VWA8: variants seen among roughly 807,000 people sequenced by gnomAD.
VWA8 encodes the protein von Willebrand factor A domain-containing protein 8.
In VWA8, 221 loss-of-function variants were observed where a neutral mutation model predicts 241.5. The observed-to-expected ratio is 0.91, with a 90% CI of 0.82 to 1.02. The LOEUF (loss-of-function observed/expected upper bound fraction) is 1.02, where lower values mean the gene tolerates loss of function less well. VWA8 is among the 50% of genes least tolerant of loss of function. The pLI is 0.00. For synonymous variants in VWA8, 852 were observed against 827.1 expected, an observed-to-expected ratio of 1.03 and a Z score of -0.52; for missense variants, 2,322 against 2,328.7, an observed-to-expected ratio of 1.00 and a Z score of 0.06.
chr13:41,772,263 T>C (rs890578887), intron 20 of VWA8, among the ~76,000 whole-genome samples: 2 of 152,078 alleles, frequency 1.3e-5, no homozygotes, highest in Non-Finnish European at 2.9e-5. Context: ...ATTTTCACAA[T>C]AAATATTTTG....
intron 37 of VWA8, among the ~76,000 whole-genome samples, chr13:41,668,029 A>T (rs959049038): frequency 1.3e-5 from 2 of 152,244 alleles, no homozygotes; most frequent in African/African-American, 4.8e-5. Flanking sequence ...CAAAAACTCA[A>T]ATCAACAATG....
chr13:41,607,328 G>C (rs1358028560), intron 39 of VWA8, among the ~76,000 whole-genome samples: 1 of 152,172 alleles, frequency 6.6e-6, no homozygotes, highest in African/African-American at 2.4e-5. Context: ...GACATGCCAA[G>C]GTGCCTTTCT....
At chr13:41,721,640 T>A (rs567502746) in intron 24 of VWA8, 65 bp from the exon 25 acceptor site, 1 of 1,507,134 alleles carries the variant, frequency 6.6e-7, no homozygotes, top group South Asian at 1.3e-5. Context: ...CAGGAAAAAA[T>A]GGAATGGTTG....
rs1874848227 is a variant in VWA8 at position 41,891,562 on chromosome 13, C to T, written c.509G>A (p.Gly170Asp). ...DQCAVRAATE[G>D]RTLILEGLEK... ...CAAACCTTCCAAAATGAGAGTTCTG[C>T]CTTCTGTGGCTGCACGAACTGCACA... The change falls in exon 5 of 45, where the codon GGC (glycine) becomes GAC (aspartate). Residue 170 changes from glycine (G) to aspartate (D), a missense_variant. Coordinates refer to ENST00000379310, the MANE Select transcript of VWA8 (RefSeq NM_015058.2). The T allele has an allele frequency of 6.2e-7, 1 of 1,614,158 alleles. No individual in the cohort carries two copies. Among genetic ancestry groups the T allele is most frequent in the South Asian group, 1.1e-5 (1 of 91,074 alleles).
intron 37 of VWA8, among the ~76,000 whole-genome samples, chr13:41,652,156 C>T (rs1225288080): frequency 2.0e-5 from 3 of 152,160 alleles, no homozygotes; most frequent in Non-Finnish European, 4.4e-5. Flanking sequence ...TGGCCTGTGT[C>T]CCCATCCACA....
Position 41,958,831 on chromosome 13 carries a change from A to C in VWA8, c.163+2022T>G, listed in dbSNP as rs150180178. ...GTATGTTCTCTGTAATATGTCCATG[A>C]CTCTCACATTTGAAGCAAAGCCTAT... On this transcript the variant is annotated intron_variant, in intron 1 of 44. Coordinates refer to ENST00000379310, the MANE Select transcript of VWA8 (RefSeq NM_015058.2). Among the ~76,000 whole-genome samples, 75 of 152,234 alleles carry C rather than the reference A, an allele frequency of 4.9e-4. No homozygotes were observed. The East Asian group carries it at 0.013, about 27-fold the overall frequency.
chr13:41,900,230 G>A (rs1307258954), intron 4 of VWA8, among the ~76,000 whole-genome samples: 1 of 152,146 alleles, frequency 6.6e-6, no homozygotes, highest in Non-Finnish European at 1.5e-5. Flanking sequence ...TATACAGGTT[G>A]TAACATAAAA....
At chr13:41,681,778 C>T (rs1466790298) in intron 35 of VWA8, among the ~76,000 whole-genome samples, 1 of 151,970 alleles carries the variant, frequency 6.6e-6, no homozygotes, top group Non-Finnish European at 1.5e-5. Flanking sequence ...GAGAGTATGA[C>T]AAGGGCACCT....
intron 16 of VWA8, among the ~76,000 whole-genome samples, chr13:41,816,076 A>G (rs1185447565): frequency 6.6e-6 from 1 of 152,236 alleles, no homozygotes; most frequent in East Asian, 1.9e-4. Context: ...GTTTAGTTGT[A>G]CAAGATATGT....
intron 28 of VWA8, among the ~76,000 whole-genome samples, chr13:41,699,988 G>A (rs1233729486): frequency 1.3e-5 from 2 of 152,094 alleles, no homozygotes; most frequent in Non-Finnish European, 2.9e-5. Flanking sequence ...CCCAGGAGAG[G>A]CTAATGCTGC....
chr13:41,893,045 C>A (rs1026325301), intron 4 of VWA8, among the ~76,000 whole-genome samples: 7 of 152,158 alleles, frequency 4.6e-5, no homozygotes, highest in African/African-American at 1.7e-4. Flanking sequence ...AATGTCTTTA[C>A]TTATACTGAC....
intron 3 of VWA8, among the ~76,000 whole-genome samples, chr13:41,909,824 A>AT (rs1456663031): frequency 1.1e-4 from 16 of 152,296 alleles, no homozygotes; most frequent in Admixed American, 7.2e-4. Flanking sequence ...CAGTGGTATG[A>AT]TTTTTTTGAA....
rs1192890831 is a variant in VWA8, at chr13:41,699,132, A to G, written c.3503T>C (p.Phe1168Ser). 6.2e-7 allele frequency: 1 copy of G among 1,614,132 alleles called. No homozygotes were observed. The change falls in exon 29 of 45, where the codon TTT becomes TCT. Residue 1168 changes from phenylalanine to serine, a missense_variant. Coordinates refer to ENST00000379310, the MANE Select transcript of VWA8 (RefSeq NM_015058.2). ...ACTTCCCAGCGGTGCCACTGTCACAAAAGGGTGCCAAACGCCATTGGCTGT... is the reference window on the plus strand; with the variant it reads ...ACTTCCCAGCGGTGCCACTGTCACAGAAGGGTGCCAAACGCCATTGGCTGT... ...PRTANGVWHP[F>S]VTVAPLGSPL... is the part of the protein sequence containing the mutation.
chr13:41,619,260 GCTCT>G (rs1339103213), intron 37 of VWA8, among the ~76,000 whole-genome samples: 3 of 152,062 alleles, frequency 2.0e-5, no homozygotes, highest in South Asian at 2.1e-4. Flanking sequence ...TCGTGATTTG[GCTCT>G]CTGTTTGTCT....
chr13:41,758,927 T>C (rs980867058), intron 21 of VWA8, among the ~76,000 whole-genome samples: 1 of 151,492 alleles, frequency 6.6e-6, no homozygotes, highest in African/African-American at 2.4e-5. Context: ...GAGGATCATA[T>C]GGTTTTTTAT....
rs192557371 is a variant in VWA8 at position 41,878,370 on chromosome 13, T to C, written c.1080+5017A>G. ...AACTTACAATAACAAACAGACCACA[T>C]AGACTTCCCAGAACAGATGATAAAG... On this transcript the variant is annotated intron_variant, in intron 9 of 44. Coordinates refer to ENST00000379310, the MANE Select transcript of VWA8 (RefSeq NM_015058.2). 5.6e-3 allele frequency among the ~76,000 whole-genome samples: 850 copies of C among 151,884 alleles called. 7 individuals are homozygous for C. The highest frequency in any genetic ancestry group is 8.9e-3 in the Non-Finnish European group (602 of 67,910).
In VWA8 at chr13:41,629,005, C is replaced by A. The variant is rs576326794; in HGVS notation, c.4612-13921G>T. Among the ~76,000 whole-genome samples the A allele has an allele frequency of 6.6e-5, 10 of 152,236 alleles. No homozygotes were observed. The South Asian group carries it at 1.9e-3, about 28-fold the overall frequency. ...GCAATGAGCCATGATCGCACCACTG[C>A]ACTCCAGTCTGGCGACAGAGCGAGA... is the stretch of plus-strand genomic sequence containing the variant. On this transcript the variant is annotated intron_variant, in intron 37 of 44. Transcript: ENST00000379310.
At chr13:41,896,062 G>C (rs1296884827) in intron 4 of VWA8, among the ~76,000 whole-genome samples, 2 of 151,908 alleles carry the variant, frequency 1.3e-5, no homozygotes, top group Admixed American at 1.3e-4. Flanking sequence ...AAAGAACCAT[G>C]ACTAGATAGG....
At chr13:41,667,888 A>G (rs1293067157) in intron 37 of VWA8, among the ~76,000 whole-genome samples, 1 of 152,216 alleles carries the variant, frequency 6.6e-6, no homozygotes, top group Non-Finnish European at 1.5e-5. Context: ...GTTATTTATT[A>G]TAGGAAAAAC....
Sources: allele counts gnomAD v4.1 joint callset (sites outside exome capture counted in the v4.1 genomes callset), GRCh38; gene constraint gnomAD v4.1.1; transcripts MANE v1.5; gene names NCBI Gene and HGNC (gene_info 2026-07-23, HGNC 2026-07-21).